SMC1B: variants seen among roughly 807,000 people sequenced by gnomAD.
SMC1B encodes structural maintenance of chromosomes 1B, also known as structural maintenance of chromosomes protein 1B.
A neutral mutation model predicts 157.9 loss-of-function variants in SMC1B; 60 were observed. That is an observed-to-expected ratio of 0.38 (90% CI 0.31 to 0.47). The LOEUF (loss-of-function observed/expected upper bound fraction) is 0.47. Among genes scored for constraint, SMC1B ranks in the 20% least tolerant of loss-of-function variants. SMC1B has a pLI of 0.99. For missense variants in SMC1B, 1,165 were observed against 1,426.2 expected (o/e 0.82, Z 2.95); for synonymous variants, 445 against 483.0 (o/e 0.92, Z 1.03).
At chr22:45,355,644 G>A (rs1007969990) in intron 19 of SMC1B, among the ~76,000 whole-genome samples, 6 of 152,212 alleles carry the variant, frequency 3.9e-5, no homozygotes, top group East Asian at 1.9e-4. Context: ...GCAAGCATAG[G>A]TACTACGGGG....
chr22:45,347,374 A>T (rs1023883757), intron 23 of SMC1B, among the ~76,000 whole-genome samples: 1 of 152,194 alleles, frequency 6.6e-6, no homozygotes, highest in Non-Finnish European at 1.5e-5. Context: ...ATTTTCTCAG[A>T]TGAATACAAT....
intron 18 of SMC1B, 78 bp downstream of exon 18, chr22:45,359,703 ACCACCCCTAAAGGGGCTACAGAAC>A: frequency 2.3e-6 from 3 of 1,292,176 alleles, no homozygotes; most frequent in Non-Finnish European, 3.2e-6. Context: ...AGATGTCTTC[ACCACCCCTAAAGGGGCTACAGAAC>A]AAGAGAAAGA....
chr22:45,369,974 T>G lies in SMC1B; in HGVS notation c.2400A>C (p.Gln800His). ...AATACCTTTTTTGATCAATTTCTTG[T>G]TGCCGTTTAACATGTTTGTTCTCAA... ...REFENKHVKR[Q>H]QEIDQKRLEF... Residue 800 changes from glutamine to histidine, a missense_variant, in exon 15 of 25, where the codon CAA becomes CAC. Coordinates refer to ENST00000357450, the MANE Select transcript of SMC1B (RefSeq NM_148674.5). 6.3e-7 allele frequency: 1 copy of G among 1,587,288 alleles called. No individual in the cohort carries two copies. The highest frequency in any genetic ancestry group is 1.2e-5 in the South Asian group (1 of 86,722).
intron 19 of SMC1B, 87 bp downstream of exon 19, chr22:45,358,610 C>T (rs2086691397): frequency 2.4e-6 from 2 of 823,854 alleles, no homozygotes; most frequent in South Asian, 3.8e-5. Context: ...AAAAAACAAA[C>T]TTAATTCTAT....
intron 4 of SMC1B, among the ~76,000 whole-genome samples, chr22:45,404,371 A>G (rs1055909284): frequency 1.3e-5 from 2 of 152,254 alleles, no homozygotes; most frequent in Non-Finnish European, 2.9e-5. Context: ...CATATCTTGA[A>G]ATAGCCGTGC....
intron 12 of SMC1B, among the ~76,000 whole-genome samples, chr22:45,380,767 T>C (rs571030578): frequency 2.1e-4 from 31 of 151,098 alleles, no homozygotes; most frequent in Admixed American, 1.1e-3. Flanking sequence ...AAAATTAAAA[T>C]AAAAAAAAAT....
chr22:45,407,264 T>C (rs372993618), intron 2 of SMC1B, among the ~76,000 whole-genome samples: 17 of 152,210 alleles, frequency 1.1e-4, no homozygotes, highest in African/African-American at 3.9e-4. Flanking sequence ...AAAAACTGCA[T>C]GCCTCCCTCA....
intron 4 of SMC1B, 78 bp from the exon 5 acceptor site, chr22:45,402,649 C>A (rs964687030): frequency 6.6e-6 from 6 of 904,644 alleles, no homozygotes; most frequent in Admixed American, 4.5e-5. Context: ...ACTACTATAC[C>A]AACAAATTAA....
At chr22:45,373,163 G>T (rs1181761783) in intron 12 of SMC1B, among the ~76,000 whole-genome samples, 1 of 152,192 alleles carries the variant, frequency 6.6e-6, no homozygotes, top group Non-Finnish European at 1.5e-5. Context: ...TGTATTGATT[G>T]ATGTCTTAAG....
intron 19 of SMC1B, among the ~76,000 whole-genome samples, chr22:45,356,046 G>C (rs1239101686): frequency 6.6e-6 from 1 of 152,196 alleles, no homozygotes; most frequent in African/African-American, 2.4e-5. Flanking sequence ...CTCCAGCCTA[G>C]GTGACAGAGC....
At chr22:45,348,215 G>T (rs2086571466) in intron 23 of SMC1B, among the ~76,000 whole-genome samples, 1 of 152,192 alleles carries the variant, frequency 6.6e-6, no homozygotes, top group Non-Finnish European at 1.5e-5. Flanking sequence ...CTGAAAACAG[G>T]ATCATGCTCA....
At position 45,377,963 on chromosome 22, in the gene SMC1B, C is replaced by G. The variant is rs902640176; in HGVS notation, c.2058+5504G>C. Among the ~76,000 whole-genome samples, 21 of 152,056 alleles carry G rather than the reference C, an allele frequency of 1.4e-4. No individual in the cohort carries two copies. The East Asian group carries it at 4.1e-3, about 29-fold the overall frequency. On this transcript the variant is annotated intron_variant, in intron 12 of 24. Transcript: ENST00000357450. ...TCCCAGGCTTAAGTGTTCCTCCTGC[C>G]AAGTAGCTGGGACTACAGGTGCATG...
intron 8 of SMC1B, 67 bp from the exon 9 acceptor site, chr22:45,393,908 A>T (rs1399847780): frequency 9.0e-7 from 1 of 1,116,078 alleles, no homozygotes; most frequent in East Asian, 2.5e-5. Context: ...CAGGTACAAC[A>T]TACTCCTGTC....
chr22:45,395,947 T>C (rs2087118696), intron 7 of SMC1B, among the ~76,000 whole-genome samples: 1 of 152,168 alleles, frequency 6.6e-6, no homozygotes, highest in Non-Finnish European at 1.5e-5. Context: ...AGGGAAGGCT[T>C]TGCGGTGTTG....
At chr22:45,355,168 G>A in intron 19 of SMC1B, 53 bp from the exon 20 acceptor site, 1 of 1,595,134 alleles carries the variant, frequency 6.3e-7, no homozygotes, top group Non-Finnish European at 8.6e-7. Context: ...TTTACATCCA[G>A]CAAGGTAGGG....
At chr22:45,365,038 C>T (rs1029163862) in intron 15 of SMC1B, among the ~76,000 whole-genome samples, 2 of 151,892 alleles carry the variant, frequency 1.3e-5, no homozygotes, top group South Asian at 4.2e-4. Context: ...ATGGTTTCAC[C>T]GTGTTAGCCA....
Position 45,369,542 on chromosome 22 carries a change from C to CT in SMC1B, c.2420+411dup, listed in dbSNP as rs136566. On this transcript the variant is annotated intron_variant, in intron 15 of 24. Transcript: ENST00000357450. ...GAATATAAATTTTTACTAGCTGTTT[C>CT]TTTTTTTTTTTTTTTTTTGAGATGG... 8.9e-3 allele frequency among the ~76,000 whole-genome samples: 984 copies of CT among 110,746 alleles called. 12 individuals are homozygous for CT. The highest frequency in any genetic ancestry group is 0.014 in the Non-Finnish European group (807 of 57,450). 72.7% of individuals were successfully genotyped at this position (110,746 alleles called of 152,430 possible).
chr22:45,356,663 G>A (rs568207575), intron 19 of SMC1B, among the ~76,000 whole-genome samples: 9 of 151,664 alleles, frequency 5.9e-5, no homozygotes, highest in Admixed American at 5.2e-4. Flanking sequence ...TTTACCATAA[G>A]ATGAGAAACC....
chr22:45,394,566 G>C, intron 8 of SMC1B, 119 bp downstream of exon 8: 1 of 1,214,096 alleles, frequency 8.2e-7, no homozygotes. Context: ...AGCCCCGGAA[G>C]TTGAGGCTAC....
Sources: allele counts gnomAD v4.1 joint callset (sites outside exome capture counted in the v4.1 genomes callset), GRCh38; gene constraint gnomAD v4.1.1; transcripts MANE v1.5; gene names NCBI Gene and HGNC (gene_info 2026-07-23, HGNC 2026-07-21).